Variants in CFAP54 observed in about 807,000 individuals in gnomAD.
CFAP54 encodes the protein cilia- and flagella-associated protein 54.
Under a neutral mutation model 370.4 loss-of-function variants are expected in CFAP54, and 290 were observed. That is an observed-to-expected ratio of 0.78 (90% CI 0.71 to 0.86). The LOEUF (loss-of-function observed/expected upper bound fraction) is 0.86. CFAP54 is among the 40% of genes least tolerant of loss of function. The probability of loss-of-function intolerance (pLI) is 0.00; values close to 1 mark genes in which losing one functional copy is unlikely to be tolerated. For synonymous variants in CFAP54, 1,206 were observed against 1,236.5 expected, an observed-to-expected ratio of 0.98 and a Z score of 0.52; for missense variants, 3,399 against 3,528.7, an observed-to-expected ratio of 0.96 and a Z score of 0.93.
At chr12:96,825,717 A>G (rs1465961035) in intron 65 of CFAP54, among the ~76,000 whole-genome samples, 1 of 124,868 alleles carries the variant, frequency 8.0e-6, no homozygotes, top group Non-Finnish European at 1.6e-5. Context: ...TAATTAGATT[A>G]TATAATATAT....
intron 17 of CFAP54, chr12:96,555,044 A>G (rs1955737788): frequency 3.5e-6 from 1 of 287,208 alleles, no homozygotes. Context: ...TATTTGTGTT[A>G]TAGTAAATTA....
At chr12:96,816,494 T>G (rs1345936943) in intron 64 of CFAP54, among the ~76,000 whole-genome samples, 1 of 152,210 alleles carries the variant, frequency 6.6e-6, no homozygotes, top group Non-Finnish European at 1.5e-5. Context: ...CTATATAAAT[T>G]CAAATCCTCT....
At chr12:96,853,689 A>G (rs1469146301) in intron 66 of CFAP54, among the ~76,000 whole-genome samples, 1 of 152,170 alleles carries the variant, frequency 6.6e-6, no homozygotes, top group Non-Finnish European at 1.5e-5. Flanking sequence ...AAATGCCTGG[A>G]ATGTCTAGAA....
intron 64 of CFAP54, among the ~76,000 whole-genome samples, chr12:96,812,930 A>G (rs1288864619): frequency 6.7e-6 from 1 of 148,206 alleles, no homozygotes; most frequent in African/African-American, 2.5e-5. Context: ...TCTCCTCTTT[A>G]TTTTCATTCA....
At chr12:96,586,072 C>G (rs1022051003) in intron 22 of CFAP54, among the ~76,000 whole-genome samples, 3 of 152,130 alleles carry the variant, frequency 2.0e-5, no homozygotes, top group Non-Finnish European at 2.9e-5. Context: ...TAAATTCACT[C>G]AACACATTAT....
intron 32 of CFAP54, among the ~76,000 whole-genome samples, chr12:96,633,630 G>T (rs756375324): frequency 6.6e-6 from 1 of 152,148 alleles, no homozygotes; most frequent in Non-Finnish European, 1.5e-5. Context: ...TTATTGCTTA[G>T]TAGTATTCCA....
At chr12:96,776,781 T>C (rs974467006) in intron 60 of CFAP54, among the ~76,000 whole-genome samples, 1 of 152,238 alleles carries the variant, frequency 6.6e-6, no homozygotes, top group Non-Finnish European at 1.5e-5. Flanking sequence ...GAATGACATC[T>C]TTTACCCATG....
At chr12:96,549,269 G>A (rs1955671002) in intron 15 of CFAP54, among the ~76,000 whole-genome samples, 1 of 152,122 alleles carries the variant, frequency 6.6e-6, no homozygotes, top group South Asian at 2.1e-4. Flanking sequence ...GGTACAAAGT[G>A]CTAGATTTTG....
At chr12:96,589,737 ACTTTCTTT>A (rs541182706) in intron 23 of CFAP54, among the ~76,000 whole-genome samples, 174 bp downstream of exon 23, 7 of 151,738 alleles carry the variant, frequency 4.6e-5, no homozygotes, top group African/African-American at 7.3e-5. Context: ...CTTGTTAGAA[ACTTTCTTT>A]CTTTCTTTCT....
intron 60 of CFAP54, among the ~76,000 whole-genome samples, chr12:96,773,383 C>A (rs1312084863): frequency 6.6e-6 from 1 of 152,254 alleles, no homozygotes; most frequent in Non-Finnish European, 1.5e-5. Flanking sequence ...CCGCTTAACC[C>A]AGTTCCACCT....
At chr12:96,497,971 A>G (rs1307580804) in intron 1 of CFAP54, among the ~76,000 whole-genome samples, 1 of 152,186 alleles carries the variant, frequency 6.6e-6, no homozygotes, top group African/African-American at 2.4e-5. Context: ...GCACTCTGTG[A>G]CTTGTCTTGA....
chr12:96,849,053 T>C (rs540907962), intron 66 of CFAP54, among the ~76,000 whole-genome samples: 1 of 152,356 alleles, frequency 6.6e-6, no homozygotes, highest in Middle Eastern at 3.4e-3. Flanking sequence ...ATTCATGATA[T>C]TGATTCTTAA....
intron 4 of CFAP54, among the ~76,000 whole-genome samples, chr12:96,507,673 G>C (rs1401743076): frequency 6.6e-6 from 1 of 151,968 alleles, no homozygotes; most frequent in Non-Finnish European, 1.5e-5. Flanking sequence ...TTATTCTCTG[G>C]ATAATATATT....
chr12:96,522,194 G>T lies in CFAP54; in HGVS notation c.1158+5G>T. 6.7e-7 allele frequency: 1 copy of T among 1,485,570 alleles called. No individual in the cohort carries two copies. The highest frequency in any genetic ancestry group is 9.0e-7 in the Non-Finnish European group (1 of 1,107,642). 92.0% of individuals were successfully genotyped at this position (1,485,570 alleles called of 1,614,324 possible). ...AACCTAAGGGAAGTACAAACTGTAAGTCTAAACATGTCTTCTCTCTTTAAG... is the reference window on the plus strand; with the variant it reads ...AACCTAAGGGAAGTACAAACTGTAATTCTAAACATGTCTTCTCTCTTTAAG... On this transcript the variant is annotated splice_donor_5th_base_variant and intron_variant, in intron 8 of 67. Coordinates refer to ENST00000524981, the MANE Select transcript of CFAP54 (RefSeq NM_001306084.2).
chr12:96,715,011 C>T (rs181853955), intron 48 of CFAP54, among the ~76,000 whole-genome samples: 1 of 152,278 alleles, frequency 6.6e-6, no homozygotes, highest in African/African-American at 2.4e-5. Flanking sequence ...TATAGGTTCA[C>T]ATGCTAATGG....
intron 66 of CFAP54, among the ~76,000 whole-genome samples, chr12:96,839,544 C>T (rs1959198870): frequency 6.6e-6 from 1 of 152,242 alleles, no homozygotes; most frequent in Non-Finnish European, 1.5e-5. Flanking sequence ...TTCCCATTCC[C>T]ATCTGTCCCT....
intron 6 of CFAP54, among the ~76,000 whole-genome samples, chr12:96,519,288 A>G (rs573231634): frequency 1.3e-5 from 2 of 152,178 alleles, no homozygotes; most frequent in Non-Finnish European, 2.9e-5. Flanking sequence ...TAGTAGAGAC[A>G]GGGTTTTGCC....
Position 96,756,509 on chromosome 12 carries a change from T to C in CFAP54, c.7892T>C (p.Leu2631Pro). Reference sequence around the variant, plus strand: ...GAAGAGAAATCTCCAAGTTTTCAACTTGAGAGTTTATATGAAGCTATACAA... The same window carrying C: ...GAAGAGAAATCTCCAAGTTTTCAACCTGAGAGTTTATATGAAGCTATACAA... ...LMEEKSPSFQ[L>P]ESLYEAIQLS... Residue 2631 changes from leucine to proline, a missense_variant, in exon 57 of 68, where the codon CTT becomes CCT. Around this residue, in one of 3 missense-constraint regions of CFAP54, gnomAD observed 2,796 missense variants for 2,869.7 expected, o/e 0.97. Transcript: ENST00000524981. The C allele has an allele frequency of 1.2e-6, 2 of 1,604,896 alleles. No homozygotes were observed. The highest frequency in any genetic ancestry group is 1.7e-6 in the Non-Finnish European group (2 of 1,176,978).
chr12:96,582,577 G>A (rs1477707596), intron 22 of CFAP54, among the ~76,000 whole-genome samples: 1 of 152,096 alleles, frequency 6.6e-6, no homozygotes, highest in Non-Finnish European at 1.5e-5. Context: ...GGTATCTTTG[G>A]AATCTAATAT....
Sources: allele counts gnomAD v4.1 joint callset (sites outside exome capture counted in the v4.1 genomes callset), GRCh38; gene constraint gnomAD v4.1.1; regional missense constraint gnomAD v4.1.1; transcripts MANE v1.5; gene names NCBI Gene and HGNC (gene_info 2026-07-23, HGNC 2026-07-21).